The following CAMTA1 variants were observed in gnomAD, a reference collection of about 807,000 sequenced individuals.
The protein encoded by CAMTA1 is calmodulin-binding transcription activator 1.
In CAMTA1, 27 loss-of-function variants were observed where a neutral mutation model predicts 170.9. The ratio of observed to expected loss-of-function variants is 0.16; its 90% CI spans 0.12 to 0.22. CAMTA1 has a LOEUF of 0.22. Among genes scored for constraint, CAMTA1 ranks in the 10% least tolerant of loss-of-function variants. CAMTA1 has a pLI of 1.00. For missense variants in CAMTA1, 1,619 were observed against 2,217.2 expected (o/e 0.73, Z 5.42); for synonymous variants, 833 against 891.5 (o/e 0.93, Z 1.17).
At chr1:7,316,965 G>A (rs1017191552) in intron 5 of CAMTA1, among the ~76,000 whole-genome samples, 1 of 152,230 alleles carries the variant, frequency 6.6e-6, no homozygotes, top group East Asian at 1.9e-4. Flanking sequence ...GCCATGTGGG[G>A]CCTCAACTTC....
chr1:7,632,861 G>A (rs1044259451), intron 6 of CAMTA1, among the ~76,000 whole-genome samples: 7 of 152,378 alleles, frequency 4.6e-5, no homozygotes, highest in South Asian at 2.1e-4. Context: ...ACGCCCAGGC[G>A]TGGGCTCAGC....
At chr1:7,244,047 A>G (rs1665346511) in intron 4 of CAMTA1, among the ~76,000 whole-genome samples, 1 of 152,266 alleles carries the variant, frequency 6.6e-6, no homozygotes, top group Non-Finnish European at 1.5e-5. Flanking sequence ...TTTACAAGAA[A>G]AAAACAAACC....
chr1:7,614,396 A>C (rs1006034967), intron 6 of CAMTA1, among the ~76,000 whole-genome samples: 13 of 152,152 alleles, frequency 8.5e-5, no homozygotes, highest in Admixed American at 8.5e-4. Flanking sequence ...ACAGGGAGAC[A>C]TAAAAAGGAG....
At chr1:7,452,947 T>C (rs1384757321) in intron 5 of CAMTA1, among the ~76,000 whole-genome samples, 2 of 152,240 alleles carry the variant, frequency 1.3e-5, no homozygotes, top group Non-Finnish European at 2.9e-5. Flanking sequence ...AGTTTCTCTA[T>C]GAAGTTCAAA....
At chr1:6,872,480 T>C (rs1227943084) in intron 3 of CAMTA1, among the ~76,000 whole-genome samples, 1 of 152,210 alleles carries the variant, frequency 6.6e-6, no homozygotes, top group Admixed American at 6.5e-5. Context: ...CCCCACTCTT[T>C]TAATATTTTA....
At chr1:7,488,930 T>C (rs1557797811) in intron 6 of CAMTA1, among the ~76,000 whole-genome samples, 1 of 151,790 alleles carries the variant, frequency 6.6e-6, no homozygotes, top group Non-Finnish European at 1.5e-5. Context: ...CATGCACACG[T>C]CACACACAAT....
At chr1:7,657,155 G>T (rs182437385) in intron 7 of CAMTA1, among the ~76,000 whole-genome samples, 15 of 152,328 alleles carry the variant, frequency 9.8e-5, no homozygotes, top group Admixed American at 7.8e-4. Flanking sequence ...CCCCTGTCTT[G>T]TGGAGCCCCA....
Position 7,455,237 on chromosome 1 carries a change from CGT to C in CAMTA1, c.439-12586_439-12585del, listed in dbSNP as rs1259888775. ...GGAGCCGCGGCTCGGCATGGTTCTGCGTGTGTGTTTCCGACACTGGCTCCCAG... is the reference window on the plus strand; with the variant it reads ...GGAGCCGCGGCTCGGCATGGTTCTGCGTGTGTTTCCGACACTGGCTCCCAG... On this transcript the variant is annotated intron_variant, in intron 5 of 22. Coordinates refer to ENST00000303635, the MANE Select transcript of CAMTA1 (RefSeq NM_015215.4). This position sits in a 1 kb window ranked among gnomAD's most constrained non-coding sequence, Gnocchi z 5.0. Among the ~76,000 whole-genome samples the C allele has an allele frequency of 2.0e-5, 3 of 152,198 alleles. No individual in the cohort carries two copies. Among genetic ancestry groups the C allele is most frequent in the African/African-American group, 7.2e-5 (3 of 41,454 alleles).
At chr1:6,817,460 C>G (rs1645958499) in intron 1 of CAMTA1, among the ~76,000 whole-genome samples, 2 of 152,078 alleles carry the variant, frequency 1.3e-5, no homozygotes, top group African/African-American at 4.8e-5. Flanking sequence ...TGACTTTTCC[C>G]CTATTGGAGA....
intron 11 of CAMTA1, chr1:7,694,348 T>C (rs2096351563): frequency 6.6e-6 from 1 of 152,208 alleles, no homozygotes; most frequent in African/African-American, 2.4e-5. Flanking sequence ...TACTTTGTCG[T>C]CTGCAGAAAA....
At chr1:7,513,060 C>T (rs144494096) in intron 6 of CAMTA1, among the ~76,000 whole-genome samples, 142 of 152,292 alleles carry the variant, frequency 9.3e-4, no homozygotes, top group African/African-American at 3.2e-3. Context: ...TGACTCCCAT[C>T]CCAACACCAC....
At chr1:7,164,236 G>A (rs1647894086) in intron 4 of CAMTA1, among the ~76,000 whole-genome samples, 1 of 152,218 alleles carries the variant, frequency 6.6e-6, no homozygotes, top group Non-Finnish European at 1.5e-5. Context: ...TATTGACTAA[G>A]AGCCTCCAGG....
At chr1:7,752,733 C>T (rs1322929745) in intron 21 of CAMTA1, among the ~76,000 whole-genome samples, 200 bp downstream of exon 21, 6 of 152,164 alleles carry the variant, frequency 3.9e-5, no homozygotes, top group Non-Finnish European at 7.3e-5. Context: ...CCATGTCAGA[C>T]GATGCTGTTT....
chr1:7,046,519 G>A (rs923373795), intron 3 of CAMTA1, among the ~76,000 whole-genome samples: 2 of 152,220 alleles, frequency 1.3e-5, no homozygotes, highest in Non-Finnish European at 2.9e-5. Context: ...TGGGGCTGCC[G>A]TCTGTGTTCC....
rs573857460 is a variant in CAMTA1, at chr1:6,822,819, C to A, written c.116-2273C>A. ...CCACACACACACACACACACACACA[C>A]ACACACAAACACACACACACGCACA... On this transcript the variant is annotated intron_variant, in intron 2 of 22. Transcript: ENST00000303635. 3.3e-4 allele frequency among the ~76,000 whole-genome samples: 49 copies of A among 148,984 alleles called. 1 individual carries two copies. The East Asian group carries it at 7.7e-3, about 24-fold the overall frequency.
chr1:6,949,588 C>G (rs1442621281), intron 3 of CAMTA1, among the ~76,000 whole-genome samples: 1 of 152,198 alleles, frequency 6.6e-6, no homozygotes, highest in Non-Finnish European at 1.5e-5. Flanking sequence ...ATCCAATCCC[C>G]CTTCAGACCT....
At chr1:6,867,194 G>T (rs747124569) in intron 3 of CAMTA1, among the ~76,000 whole-genome samples, 1 of 152,046 alleles carries the variant, frequency 6.6e-6, no homozygotes, top group East Asian at 1.9e-4. Context: ...AAAGTTTCCT[G>T]GTGCCTTTTG....
intron 3 of CAMTA1, among the ~76,000 whole-genome samples, chr1:6,866,892 A>C (rs1163403259): frequency 6.6e-6 from 1 of 152,160 alleles, no homozygotes; most frequent in African/African-American, 2.4e-5. Context: ...GGATTCTTTT[A>C]TTGTCTCATG....
rs541515283 is a variant in CAMTA1, at chr1:7,412,455, C to G, written c.439-55375C>G. Among the ~76,000 whole-genome samples, 239 of 152,172 alleles carry G rather than the reference C, an allele frequency of 1.6e-3. 1 individual carries two copies. Among genetic ancestry groups the G allele is most frequent in the Non-Finnish European group, 2.7e-3 (184 of 67,998 alleles). ...GACTTTTTAATGATCGCCATTCTAA[C>G]TGGTGTGAGATGGTATCTCATTGTG... On this transcript the variant is annotated intron_variant, in intron 5 of 22. Transcript: ENST00000303635.
Sources: gnomAD v4.1 joint callset for allele counts (sites outside exome capture counted in the v4.1 genomes callset) on GRCh38, gnomAD v4.1.1 for gene constraint, Gnocchi (gnomAD v3.1) non-coding constraint, MANE v1.5 for transcripts, NCBI Gene and HGNC (gene_info 2026-07-23, HGNC 2026-07-21) for gene names.